XDH: variants seen among roughly 807,000 people sequenced by gnomAD.
XDH encodes xanthine dehydrogenase/oxidase.
In XDH, 138 loss-of-function variants were observed where a neutral mutation model predicts 156.1. The ratio of observed to expected loss-of-function variants is 0.88; its 90% confidence interval spans 0.77 to 1.02. The LOEUF (loss-of-function observed/expected upper bound fraction) is 1.02, where lower values mean the gene tolerates loss of function less well. Ranked by LOEUF, XDH falls within the 50% of genes least tolerant of loss-of-function variation. XDH has a pLI of 0.00. For missense variants in XDH, 1,849 were observed against 1,684.9 expected (o/e 1.10, Z -1.71); for synonymous variants, 669 against 625.7 (o/e 1.07, Z -1.03).
chr2:31,363,105 A>G (rs45501295), intron 24 of XDH, among the ~76,000 whole-genome samples: 25,557 of 152,092 alleles, frequency 0.17, 2,274 homozygotes, highest in East Asian at 0.27. Context: ...TGAAGTCAGG[A>G]GTTCGAGACC....
At chr2:31,379,789 C>A in intron 13 of XDH, 78 bp downstream of exon 13, 1 of 1,427,956 alleles carries the variant, frequency 7.0e-7, no homozygotes, top group Admixed American at 1.7e-5. Flanking sequence ...GTCCCTGAAG[C>A]AGATTCTGAT....
Position 31,388,215 on chromosome 2 carries a change from G to A in XDH, c.564+12C>T. On this transcript the variant is annotated intron_variant, in intron 7 of 35. Transcript: ENST00000379416. The stretch of plus-strand genomic sequence containing the variant: ...TACCCCCAGGCTTCCAGGGGGAGAA[G>A]AACTCACTTACTGAGTGGTCTTTCT... The A allele has an allele frequency of 6.2e-7, 1 of 1,614,062 alleles. No homozygotes were observed. Among genetic ancestry groups the A allele is most frequent in the South Asian group, 1.1e-5 (1 of 91,080 alleles).
intron 29 of XDH, among the ~76,000 whole-genome samples, 196 bp from the exon 30 acceptor site, chr2:31,347,039 C>A (rs1360148712): frequency 1.3e-5 from 2 of 152,336 alleles, no homozygotes; most frequent in African/African-American, 4.8e-5. Flanking sequence ...AGGGCCACCA[C>A]TAGTCCCTGC....
intron 26 of XDH, 144 bp downstream of exon 26, chr2:31,349,542 A>T (rs1422135952): frequency 1.2e-5 from 14 of 1,217,146 alleles, no homozygotes; most frequent in Non-Finnish European, 1.1e-5. Flanking sequence ...ATAAGATCTT[A>T]AAGAGATGGC....
At chr2:31,344,910 T>A (rs955033523) in intron 30 of XDH, among the ~76,000 whole-genome samples, 174 bp from the exon 31 acceptor site, 2 of 152,218 alleles carry the variant, frequency 1.3e-5, no homozygotes, top group East Asian at 3.9e-4. Flanking sequence ...CACCAGGTCC[T>A]CATTATCTGA....
At chr2:31,368,156 C>T (rs1685973183) in intron 19 of XDH, 99 bp from the exon 20 acceptor site, 3 of 1,092,876 alleles carry the variant, frequency 2.7e-6, no homozygotes, top group Non-Finnish European at 4.2e-6. Flanking sequence ...TGTTGACTCT[C>T]TCTTTCCATA....
At chr2:31,398,782 G>A (rs1686982729) in intron 4 of XDH, 83 bp from the exon 5 acceptor site, 2 of 1,596,518 alleles carry the variant, frequency 1.3e-6, no homozygotes, top group East Asian at 2.3e-5. Flanking sequence ...GCCAGCACAT[G>A]TTGAGAGATA....
At chr2:31,359,626 T>A (rs1186066852) in intron 24 of XDH, among the ~76,000 whole-genome samples, 1 of 152,190 alleles carries the variant, frequency 6.6e-6, no homozygotes, top group Non-Finnish European at 1.5e-5. Context: ...AGTATTAAAA[T>A]CAGTGTTTTT....
intron 10 of XDH, 124 bp downstream of exon 10, chr2:31,383,631 G>A (rs778699319): frequency 2.6e-5 from 23 of 888,704 alleles, no homozygotes; most frequent in Non-Finnish European, 3.4e-5. Context: ...TGCAAGGTGA[G>A]CCCCAGGAGA....
chr2:31,411,175 C>A (rs556333659), intron 1 of XDH, among the ~76,000 whole-genome samples: 25 of 151,254 alleles, frequency 1.7e-4, no homozygotes, highest in Middle Eastern at 3.4e-3. Flanking sequence ...CCCAGCTACT[C>A]AGGAGGCTGA....
rs774842913 is a variant in XDH at position 31,366,084 on chromosome 2, AC to A, written c.2347del (p.Val783PhefsTer10). On this transcript the variant is annotated frameshift_variant, in exon 22 of 36. Transcript: ENST00000379416. LOFTEE classifies it high-confidence loss of function. ...TCGAACCACAATCCGGTTTGCTGGA[AC>A]CCCCAACATTTTTGCAACAAAGCTC... ...TQSFVAKMLG[V>X]PANRIVVRVK... 2 of 1,613,928 alleles carry A rather than the reference AC, an allele frequency of 1.2e-6. No individual in the cohort carries two copies. Among genetic ancestry groups the A allele is most frequent in the African/African-American group, 2.7e-5 (2 of 74,878 alleles).
At position 31,334,806 on chromosome 2, in the gene XDH, G is replaced by A. The variant is rs893287207; in HGVS notation, c.*1152C>T. The A allele has an allele frequency of 1.3e-5, 2 of 152,194 alleles. No homozygotes were observed. The highest frequency in any genetic ancestry group is 4.8e-5 in the African/African-American group (2 of 41,448). 9.4% of individuals were successfully genotyped at this position (152,194 alleles called of 1,614,324 possible). A position where few individuals can be genotyped will look rare whatever the true frequency, so the allele number is the denominator to read the frequency against. On this transcript the variant is annotated 3_prime_UTR_variant, in exon 36 of 36. Transcript: ENST00000379416. Reference sequence around the variant, plus strand: ...GAGACAGAAGAGACAGAGCTAGGATGAGAACCCAGGCTTCTTGGCTCTTCT... The same window carrying A: ...GAGACAGAAGAGACAGAGCTAGGATAAGAACCCAGGCTTCTTGGCTCTTCT...
At chr2:31,342,008 G>T (rs1011540990) in intron 32 of XDH, among the ~76,000 whole-genome samples, 175 bp downstream of exon 32, 2 of 152,122 alleles carry the variant, frequency 1.3e-5, no homozygotes, top group Non-Finnish European at 2.9e-5. Flanking sequence ...GAGACTGTAT[G>T]GCCCACGAAG....
intron 24 of XDH, among the ~76,000 whole-genome samples, chr2:31,352,711 C>T (rs563286927): frequency 1.1e-4 from 17 of 152,244 alleles, no homozygotes; most frequent in Admixed American, 3.9e-4. Flanking sequence ...TACCAGAAAG[C>T]ATGTCTTATA....
chr2:31,413,351 T>C (rs206810), intron 1 of XDH, among the ~76,000 whole-genome samples: 8,159 of 152,238 alleles, frequency 0.054, 343 homozygotes, highest in African/African-American at 0.11. Context: ...CTTGAAAGCT[T>C]TGCCCTACTT....
intron 27 of XDH, among the ~76,000 whole-genome samples, chr2:31,348,592 A>C (rs1572516266): frequency 1.3e-5 from 2 of 152,218 alleles, no homozygotes; most frequent in East Asian, 3.8e-4. Context: ...TCAAAGGGAA[A>C]TAGGTCAAAT....
intron 6 of XDH, among the ~76,000 whole-genome samples, chr2:31,393,904 G>A (rs939170378): frequency 6.7e-6 from 1 of 149,104 alleles, no homozygotes; most frequent in East Asian, 2.0e-4. Context: ...GGTAGTGATT[G>A]TATCTTATAA....
intron 21 of XDH, 27 bp downstream of exon 21, chr2:31,366,843 C>T: frequency 6.2e-7 from 1 of 1,613,638 alleles, no homozygotes; most frequent in Non-Finnish European, 8.5e-7. Flanking sequence ...CCTGACAGCC[C>T]CTTGAGCTGA....
Position 31,377,175 on chromosome 2 carries a change from G to T in XDH, c.1305C>A (p.Thr435=). The T allele has an allele frequency of 6.2e-7, 1 of 1,614,084 alleles. No homozygotes were observed. Among genetic ancestry groups the T allele is most frequent in the Non-Finnish European group, 8.5e-7 (1 of 1,180,012 alleles). ...GCTTGAATAAAACTCTCATGCCACT[G>T]GTTACCTTGGCAATGTCATCTTCTC... ...SRREDDIAKV[T]SGMRVLFKPG... Residue 435 remains threonine (T), a synonymous_variant, in exon 14 of 36, where the codon ACC becomes ACA. Transcript: ENST00000379416.
Sources: allele counts gnomAD v4.1 joint callset (sites outside exome capture counted in the v4.1 genomes callset), GRCh38; gene constraint gnomAD v4.1.1; transcripts MANE v1.5; gene names NCBI Gene and HGNC (gene_info 2026-07-23, HGNC 2026-07-21).